Variants in NUP210 observed in about 807,000 individuals in gnomAD.
NUP210 encodes nuclear pore membrane glycoprotein 210.
Under a neutral mutation model 196.0 loss-of-function variants are expected in NUP210, and 151 were observed. The ratio of observed to expected loss-of-function variants is 0.77; its 90% confidence interval spans 0.67 to 0.88. The LOEUF is 0.88. Among genes scored for constraint, NUP210 ranks in the 40% least tolerant of loss-of-function variants. NUP210 has a pLI of 0.00. For missense variants in NUP210, 2,314 were observed against 2,493.7 expected, an observed-to-expected ratio of 0.93 and a Z score of 1.53; for synonymous variants, 1,070 against 1,052.7, an observed-to-expected ratio of 1.02 and a Z score of -0.32.
rs1576438494 is a variant in NUP210, at chr3:13,420,309, C to T, written c.-83G>A. 4.4e-6 allele frequency: 4 copies of T among 912,274 alleles called. No homozygotes were observed. Among genetic ancestry groups the T allele is most frequent in the Non-Finnish European group, 5.3e-6 (4 of 759,708 alleles). The allele number at this position is 912,274 out of a possible 1,614,324, so 56.5% of individuals were successfully genotyped here. A position where few individuals can be genotyped will look rare whatever the true frequency, so the allele number is the denominator to read the frequency against. ...CCCTCCGCTCCCGCCCGCGCGCGCGCCAGGCCAGCAGGTGATGAGCGCGGG... is the reference window on the plus strand; with the variant it reads ...CCCTCCGCTCCCGCCCGCGCGCGCGTCAGGCCAGCAGGTGATGAGCGCGGG... On this transcript the variant is annotated 5_prime_UTR_variant, in exon 1 of 40. Transcript: ENST00000254508. This position sits in a 1 kb window ranked among gnomAD's most constrained non-coding sequence, Gnocchi z 4.8.
intron 3 of NUP210, among the ~76,000 whole-genome samples, chr3:13,394,093 C>T (rs1478434063): frequency 6.6e-6 from 1 of 152,136 alleles, no homozygotes; most frequent in Non-Finnish European, 1.5e-5. Flanking sequence ...TGAGGGACAT[C>T]GAAGGGAAGA....
intron 1 of NUP210, among the ~76,000 whole-genome samples, chr3:13,404,473 A>G (rs1699937471): frequency 6.6e-6 from 1 of 152,238 alleles, no homozygotes; most frequent in Non-Finnish European, 1.5e-5. Context: ...TCATTACATT[A>G]TTATTTCTTT....
rs765371118 is a variant in NUP210, at chr3:13,317,770, A to C, written c.5575T>G (p.Ser1859Ala). Residue 1859 changes from serine to alanine, a missense_variant, in exon 40 of 40, where the codon TCA becomes GCA. Transcript: ENST00000254508. ...PGHSPHYFAA[S>A]SPTSPNALPP... is the part of the protein sequence containing the mutation. ...AATGCATTGGGAGATGTGGGTGATG[A>C]GGCAGCGAAATCTAGGGTGGGAAGA... 1.2e-6 allele frequency: 2 copies of C among 1,609,286 alleles called. No individual in the cohort carries two copies. The highest frequency in any genetic ancestry group is 2.2e-5 in the South Asian group (2 of 89,930).
intron 3 of NUP210, among the ~76,000 whole-genome samples, chr3:13,392,330 G>C (rs1048925127): frequency 1.3e-5 from 2 of 152,188 alleles, no homozygotes; most frequent in Non-Finnish European, 2.9e-5. Context: ...TTAATGAAGA[G>C]AGGCATCTTC....
intron 28 of NUP210, among the ~76,000 whole-genome samples, chr3:13,332,810 A>C (rs1168329088): frequency 6.6e-6 from 1 of 152,150 alleles, no homozygotes; most frequent in Admixed American, 6.5e-5. Context: ...GAGCTCCTTC[A>C]AGGAGCCTGG....
At chr3:13,320,112 A>G (rs1471907288) in intron 36 of NUP210, 133 bp from the exon 37 acceptor site, 1 of 805,910 alleles carries the variant, frequency 1.2e-6, no homozygotes, top group African/African-American at 1.7e-5. Context: ...TCAGCCTGAC[A>G]TGCTGGGCTT....
chr3:13,350,722 C>T lies in NUP210; in HGVS notation c.2835+1157G>A, dbSNP rs1327839732. 5.1e-5 allele frequency among the ~76,000 whole-genome samples: 7 copies of T among 137,270 alleles called. No individual in the cohort carries two copies. Among genetic ancestry groups the T allele is most frequent in the Non-Finnish European group, 1.1e-4 (7 of 65,348 alleles). 90.1% of individuals were successfully genotyped at this position (137,270 alleles called of 152,430 possible). On this transcript the variant is annotated intron_variant, in intron 20 of 39. Coordinates refer to ENST00000254508, the MANE Select transcript of NUP210 (RefSeq NM_024923.4). This position sits in a 1 kb window ranked among gnomAD's most constrained non-coding sequence, Gnocchi z 4.1. ...TTTTTTTTTTTTTTTGAGATGGAGT[C>T]TCGCCCCGTCGCCCAGGCTGGAGTG... is the stretch of plus-strand genomic sequence containing the variant.
In NUP210 at chr3:13,340,417, T is replaced by A; in HGVS notation, c.3229-119A>T. On this transcript the variant is annotated intron_variant, in intron 23 of 39. Coordinates refer to ENST00000254508, the MANE Select transcript of NUP210 (RefSeq NM_024923.4). The surrounding 1 kb of genome is among the most constrained non-coding windows in gnomAD (Gnocchi z 4.0). ...CTGGGACATGGACATCACTTCTCTC[T>A]GAGCAGTGACCAGAGGGCCCAGGGT... is the stretch of plus-strand genomic sequence containing the variant. 2.3e-6 allele frequency: 2 copies of A among 884,050 alleles called. No individual in the cohort carries two copies. The highest frequency in any genetic ancestry group is 3.6e-6 in the Non-Finnish European group (2 of 553,202). 54.8% of individuals were successfully genotyped at this position (884,050 alleles called of 1,614,324 possible). A position where few individuals can be genotyped will look rare whatever the true frequency, so the allele number is the denominator to read the frequency against.
intron 5 of NUP210, 99 bp from the exon 6 acceptor site, chr3:13,386,506 G>T (rs1167544226): frequency 8.5e-6 from 12 of 1,419,470 alleles, no homozygotes; most frequent in Non-Finnish European, 5.8e-6. Context: ...ATGGGAATAG[G>T]GAAGTTAAGA....
rs1013106291 is a variant in NUP210 at position 13,319,410 on chromosome 3, A to T, written c.5384-85T>A. ...CGTTCCTGCCCTACTGTACGTCTAC[A>T]GGGCAGTCCACAGGTCCCTCTTAGA... is the stretch of plus-strand genomic sequence containing the variant. On this transcript the variant is annotated intron_variant, in intron 37 of 39. Transcript: ENST00000254508. The T allele has an allele frequency of 1.1e-5, 13 of 1,148,010 alleles. No homozygotes were observed. The African/African-American group carries it at 2.0e-4, about 18-fold the overall frequency. The allele number at this position is 1,148,010 out of a possible 1,614,324, so 71.1% of individuals were successfully genotyped here.
intron 1 of NUP210, among the ~76,000 whole-genome samples, chr3:13,410,063 T>C (rs923386945): frequency 1.6e-4 from 24 of 151,344 alleles, no homozygotes; most frequent in Admixed American, 1.4e-3. Context: ...GGTTTCACCG[T>C]GTTGCCCAGG....
At chr3:13,338,572 C>G (rs943782805) in intron 25 of NUP210, among the ~76,000 whole-genome samples, 5 of 152,226 alleles carry the variant, frequency 3.3e-5, no homozygotes, top group Non-Finnish European at 5.9e-5. Flanking sequence ...CCCCTCCTTT[C>G]ACTCATCTTT....
chr3:13,319,166 A>T lies in NUP210; in HGVS notation c.5480-11T>A. The T allele has an allele frequency of 6.2e-7, 1 of 1,611,658 alleles. No individual in the cohort carries two copies. The highest frequency in any genetic ancestry group is 1.1e-5 in the South Asian group (1 of 90,420). On this transcript the variant is annotated splice_polypyrimidine_tract_variant and intron_variant, in intron 38 of 39. Transcript: ENST00000254508. Reference sequence around the variant, plus strand: ...AGACAGTGTGGTAGGCTGCAAGAGCACAGGGTTGGTTAGAGCAGGTCGGGG... The same window carrying T: ...AGACAGTGTGGTAGGCTGCAAGAGCTCAGGGTTGGTTAGAGCAGGTCGGGG...
chr3:13,320,041 G>T, intron 36 of NUP210, 62 bp from the exon 37 acceptor site: 1 of 1,480,672 alleles, frequency 6.8e-7, no homozygotes, highest in Non-Finnish European at 9.3e-7. Flanking sequence ...ACTGAGCGGG[G>T]CCTCAGGACC....
intron 30 of NUP210, 112 bp from the exon 31 acceptor site, chr3:13,329,058 C>T (rs1338164714): frequency 2.3e-6 from 2 of 870,306 alleles, no homozygotes; most frequent in Admixed American, 2.5e-5. Flanking sequence ...ACCTCAGGAA[C>T]AATGCAGGGC....
Position 13,327,373 on chromosome 3 carries a change from C to T in NUP210, c.4351G>A (p.Val1451Met), listed in dbSNP as rs199601951. 33 of 1,613,492 alleles carry T rather than the reference C, an allele frequency of 2.0e-5. No homozygotes were observed. The South Asian group carries it at 2.1e-4, about 10-fold the overall frequency. The part of the protein sequence containing the change: ...NNTCVVRTVS[V>M]GLTLLRVWDA... ...CACACACGGAGCAGTGTCAGGCCCA[C>T]GCTGACTGTGCGGACAACGCAGGTG... Residue 1451 changes from valine to methionine, a missense_variant, in exon 32 of 40, where the codon GTG becomes ATG. Coordinates refer to ENST00000254508, the MANE Select transcript of NUP210 (RefSeq NM_024923.4).
intron 36 of NUP210, 33 bp downstream of exon 36, chr3:13,321,552 C>G (rs775581174): frequency 6.3e-7 from 1 of 1,595,680 alleles, no homozygotes; most frequent in Non-Finnish European, 8.6e-7. Flanking sequence ...CCCCTGACTC[C>G]GGCCTGGCCT....
At chr3:13,411,739 T>C (rs1700180239) in intron 1 of NUP210, among the ~76,000 whole-genome samples, 1 of 152,104 alleles carries the variant, frequency 6.6e-6, no homozygotes, top group African/African-American at 2.4e-5. Context: ...TGTATTCGTT[T>C]ATTTACTTAT....
chr3:13,389,785 A>G (rs1699424764), intron 4 of NUP210, among the ~76,000 whole-genome samples: 1 of 152,218 alleles, frequency 6.6e-6, no homozygotes, highest in East Asian at 1.9e-4. Flanking sequence ...CTCCCTGACA[A>G]AGGACTTATA....
Sources: allele counts gnomAD v4.1 joint callset (sites outside exome capture counted in the v4.1 genomes callset), GRCh38; gene constraint gnomAD v4.1.1; non-coding constraint Gnocchi (gnomAD v3.1); transcripts MANE v1.5; gene names NCBI Gene and HGNC (gene_info 2026-07-23, HGNC 2026-07-21).